The following SAP130 variants were observed in gnomAD, a reference collection of about 807,000 sequenced individuals.
SAP130 encodes the protein Sin3A associated protein 130, also known as histone deacetylase complex subunit SAP130.
In SAP130, 16 loss-of-function variants were observed where a neutral mutation model predicts 103.2. The ratio of observed to expected loss-of-function variants is 0.16; its 90% CI spans 0.10 to 0.24. The LOEUF (loss-of-function observed/expected upper bound fraction) is 0.24, where lower values mean the gene tolerates loss of function less well. SAP130 is among the 10% of genes least tolerant of loss of function. SAP130 has a pLI of 1.00. For synonymous variants in SAP130, 477 were observed against 497.0 expected (o/e 0.96, Z 0.53); for missense variants, 990 against 1,359.7 (o/e 0.73, Z 4.28).
Position 127,955,620 on chromosome 2 carries a change from G to T in SAP130, c.2064-276C>A, listed in dbSNP as rs1189250109. On this transcript the variant is annotated intron_variant, in intron 15 of 20. Coordinates refer to ENST00000643581, the MANE Select transcript of SAP130 (RefSeq NM_001330301.2). The surrounding 1 kb of genome is among the most constrained non-coding windows in gnomAD (Gnocchi z 4.9). ...TCCCACCTCATCCTCCCGAGTAGCT[G>T]AGACTACAGGTGTGTGCCACCATGC... Among the ~76,000 whole-genome samples the T allele has an allele frequency of 6.6e-6, 1 of 152,112 alleles. No homozygotes were observed. Among genetic ancestry groups the T allele is most frequent in the South Asian group, 2.1e-4 (1 of 4,830 alleles).
chr2:128,023,586 T>C (rs1029580377), intron 2 of SAP130, among the ~76,000 whole-genome samples: 6 of 152,100 alleles, frequency 3.9e-5, no homozygotes, highest in Non-Finnish European at 5.9e-5. Flanking sequence ...GAGACTATCC[T>C]GGCTAACACA....
intron 2 of SAP130, among the ~76,000 whole-genome samples, chr2:128,018,327 AAAAAC>A (rs958594018): frequency 2.0e-5 from 3 of 149,964 alleles, no homozygotes; most frequent in East Asian, 1.9e-4. Flanking sequence ...AAAAAAAAAA[AAAAAC>A]AAACCAAAAA....
chr2:128,003,855 A>T (rs991535639), intron 7 of SAP130, among the ~76,000 whole-genome samples: 2 of 151,668 alleles, frequency 1.3e-5, no homozygotes, highest in Non-Finnish European at 1.5e-5. Context: ...TGCTTCAAGG[A>T]ACATTTCCTT....
At chr2:128,011,632 A>C (rs1358963869) in intron 6 of SAP130, among the ~76,000 whole-genome samples, 6 of 152,014 alleles carry the variant, frequency 3.9e-5, no homozygotes, top group Admixed American at 3.3e-4. Flanking sequence ...TACTCCTCCG[A>C]CTCTGTTTTC....
chr2:127,945,403 C>T, intron 19 of SAP130, 53 bp downstream of exon 19: 1 of 1,043,998 alleles, frequency 9.6e-7, no homozygotes, highest in Non-Finnish European at 1.5e-6. Flanking sequence ...CAGCTATCTG[C>T]AGTGTCTTCT....
intron 14 of SAP130, among the ~76,000 whole-genome samples, chr2:127,981,844 G>A (rs1009337761): frequency 8.1e-5 from 12 of 147,884 alleles, no homozygotes; most frequent in South Asian, 6.5e-4. Context: ...TCTTGCACCC[G>A]ACTCAGCTCC....
At chr2:128,027,057 G>T in intron 1 of SAP130, 1 of 1,401,386 alleles carries the variant, frequency 7.1e-7, no homozygotes, top group South Asian at 1.7e-5. Context: ...GCGATCTGGG[G>T]ACCCGACCAC....
rs1431225794 is a variant in SAP130, at chr2:128,004,143, G to GAA, written c.870-3690_870-3689insTT. 2.0e-5 allele frequency among the ~76,000 whole-genome samples: 3 copies of GAA among 151,518 alleles called. No individual in the cohort carries two copies. The East Asian group carries it at 5.8e-4, about 29-fold the overall frequency. On this transcript the variant is annotated intron_variant, in intron 7 of 20. Coordinates refer to ENST00000643581, the MANE Select transcript of SAP130 (RefSeq NM_001330301.2). The stretch of plus-strand genomic sequence containing the variant: ...TGACTAGCTTATTTGGAGGACAAGG[G>GAA]GATTGTAGGCAGAGACTGCCAGTGT...
At chr2:127,946,839 G>A (rs928412506) in intron 18 of SAP130, among the ~76,000 whole-genome samples, 2 of 150,802 alleles carry the variant, frequency 1.3e-5, no homozygotes, top group East Asian at 1.9e-4. Flanking sequence ...AGCTAAGATC[G>A]CACCATTGTA....
chr2:127,949,450 CT>C (rs1679341771), intron 18 of SAP130, among the ~76,000 whole-genome samples: 1 of 152,166 alleles, frequency 6.6e-6, no homozygotes, highest in Non-Finnish European at 1.5e-5. Flanking sequence ...AACAAAAGAT[CT>C]TTTGGCAGAA....
chr2:127,989,704 G>T lies in SAP130; in HGVS notation c.1640C>A (p.Pro547Gln). 1.2e-6 allele frequency: 2 copies of T among 1,614,126 alleles called. No homozygotes were observed. Among genetic ancestry groups the T allele is most frequent in the Non-Finnish European group, 1.7e-6 (2 of 1,180,022 alleles). The change falls in exon 13 of 21, where the codon CCG becomes CAG. Residue 547 changes from proline to glutamine, a missense_variant. Physicochemically the swap from Pro to Gln is moderately conservative, Grantham distance 76. Around this residue, in one of 6 missense-constraint regions of SAP130, gnomAD observed 349 missense variants for 384.1 expected, o/e 0.91. Transcript: ENST00000643581. The surrounding 1 kb of genome is among the most constrained non-coding windows in gnomAD (Gnocchi z 4.6). ...PAPISTQGIQ[P>Q]APIGTPGIQP... ...TATCCCTGGGGTCCCAATGGGGGCC[G>T]GCTGGATACCCTGGGTACTGATGGG...
At chr2:127,947,280 C>T (rs1016010270) in intron 18 of SAP130, among the ~76,000 whole-genome samples, 2 of 152,100 alleles carry the variant, frequency 1.3e-5, no homozygotes, top group Non-Finnish European at 2.9e-5. Flanking sequence ...TTTTATGCCA[C>T]CCAGTTCACA....
At chr2:127,947,006 A>G (rs1253532384) in intron 18 of SAP130, among the ~76,000 whole-genome samples, 1 of 149,858 alleles carries the variant, frequency 6.7e-6, no homozygotes, top group African/African-American at 2.5e-5. Flanking sequence ...AGAGAGAGAG[A>G]GAAAAGGAAG....
intron 15 of SAP130, among the ~76,000 whole-genome samples, chr2:127,969,809 C>T (rs2461444): frequency 0.39 from 58,717 of 152,122 alleles, 13,966 homozygotes; most frequent in Non-Finnish European, 0.51. Context: ...GAATACTAGT[C>T]ATGGGTCAGG....
intron 16 of SAP130, among the ~76,000 whole-genome samples, chr2:127,952,779 C>T (rs184723039): frequency 2.0e-5 from 3 of 152,170 alleles, no homozygotes; most frequent in Non-Finnish European, 4.4e-5. Context: ...ACACCACATA[C>T]TATAAGTGAT....
At chr2:128,008,239 GT>G in intron 7 of SAP130, among the ~76,000 whole-genome samples, 1 of 152,104 alleles carries the variant, frequency 6.6e-6, no homozygotes, top group East Asian at 1.9e-4. Context: ...TAACCTCCCT[GT>G]AATGTGACTT....
intron 15 of SAP130, among the ~76,000 whole-genome samples, chr2:127,971,189 C>T (rs1681062105): frequency 6.6e-6 from 1 of 152,040 alleles, no homozygotes; most frequent in Non-Finnish European, 1.5e-5. Context: ...CCGGGCTCCC[C>T]CCATCTGTTG....
chr2:128,025,014 A>T (rs1685412258), intron 2 of SAP130, among the ~76,000 whole-genome samples: 1 of 151,468 alleles, frequency 6.6e-6, no homozygotes, highest in South Asian at 2.1e-4. Context: ...AAAAAAAAAA[A>T]AAAAAAAGCC....
intron 15 of SAP130, among the ~76,000 whole-genome samples, chr2:127,972,928 G>A (rs1330041218): frequency 6.6e-6 from 1 of 152,058 alleles, no homozygotes; most frequent in Non-Finnish European, 1.5e-5. Flanking sequence ...GCAAGACCCT[G>A]TCTCTAAAAA....
Sources: gnomAD v4.1 joint callset for allele counts (sites outside exome capture counted in the v4.1 genomes callset) on GRCh38, gnomAD v4.1.1 for gene constraint, gnomAD v4.1.1 regional missense constraint, Gnocchi (gnomAD v3.1) non-coding constraint, MANE v1.5 for transcripts, NCBI Gene and HGNC (gene_info 2026-07-23, HGNC 2026-07-21) for gene names.